The following DLGAP2 variants were observed in gnomAD, a reference collection of about 807,000 sequenced individuals.
DLGAP2 encodes the protein disks large-associated protein 2.
Under a neutral mutation model 100.3 loss-of-function variants are expected in DLGAP2, and 26 were observed. That is an observed-to-expected ratio of 0.26 (90% CI 0.19 to 0.36). The LOEUF (loss-of-function observed/expected upper bound fraction) is 0.36. Ranked by LOEUF, DLGAP2 falls within the 10% of genes least tolerant of loss-of-function variation. The probability of loss-of-function intolerance (pLI) is 1.00; values close to 1 mark genes in which losing one functional copy is unlikely to be tolerated. For missense variants in DLGAP2, 1,858 were observed against 1,453.2 expected, an observed-to-expected ratio of 1.28 and a Z score of -4.53; for synonymous variants, 886 against 630.1, an observed-to-expected ratio of 1.41 and a Z score of -6.08.
At chr8:1,277,870 A>G (rs1215883978) in intron 3 of DLGAP2, among the ~76,000 whole-genome samples, 10 of 152,200 alleles carry the variant, frequency 6.6e-5, no homozygotes, top group Non-Finnish European at 1.5e-5. Flanking sequence ...AGTTAGGCAG[A>G]TGTGTCATGT....
chr8:1,054,251 TACACACACGCACACACACGG>T (rs1255231733), intron 2 of DLGAP2, among the ~76,000 whole-genome samples: 5 of 151,660 alleles, frequency 3.3e-5, no homozygotes, highest in East Asian at 3.9e-4. Flanking sequence ...TACACACACG[TACACACACGCACACACACGG>T]ACACACACGC....
At chr8:1,228,485 A>C (rs537869385) in intron 2 of DLGAP2, among the ~76,000 whole-genome samples, 1 of 152,292 alleles carries the variant, frequency 6.6e-6, no homozygotes, top group Non-Finnish European at 1.5e-5. Flanking sequence ...TGATACTAAA[A>C]CCATACAATG....
At chr8:931,921 C>T (rs1798967535) in intron 2 of DLGAP2, among the ~76,000 whole-genome samples, 1 of 152,134 alleles carries the variant, frequency 6.6e-6, no homozygotes. Flanking sequence ...AGAGGAGTAA[C>T]CGAGGGGATG....
chr8:1,342,411 A>G (rs962027876), intron 3 of DLGAP2, among the ~76,000 whole-genome samples: 3 of 152,170 alleles, frequency 2.0e-5, no homozygotes, highest in Non-Finnish European at 2.9e-5. Flanking sequence ...CATGTAATAC[A>G]TTGTAGTGTA....
At chr8:1,155,096 C>G (rs1006803261) in intron 2 of DLGAP2, among the ~76,000 whole-genome samples, 1 of 152,310 alleles carries the variant, frequency 6.6e-6, no homozygotes, top group African/African-American at 2.4e-5. Context: ...TCGGAGGGGC[C>G]GTCTTAAACC....
At chr8:858,098 C>T (rs928158323) in intron 1 of DLGAP2, among the ~76,000 whole-genome samples, 1 of 152,182 alleles carries the variant, frequency 6.6e-6, no homozygotes, top group Admixed American at 6.5e-5. Context: ...CTCAGATGAT[C>T]CACCCGCCTT....
chr8:1,128,961 G>A (rs1796229986), intron 2 of DLGAP2, among the ~76,000 whole-genome samples: 1 of 152,164 alleles, frequency 6.6e-6, no homozygotes, highest in South Asian at 2.1e-4. Context: ...CAGGACACTG[G>A]CAAGCTGACG....
chr8:1,344,701 C>A (rs1048593278), intron 3 of DLGAP2, among the ~76,000 whole-genome samples: 1 of 152,174 alleles, frequency 6.6e-6, no homozygotes, highest in Non-Finnish European at 1.5e-5. Flanking sequence ...TCCGTAACCC[C>A]ACACTGGTCT....
chr8:1,375,210 C>G (rs1337202423), intron 3 of DLGAP2, among the ~76,000 whole-genome samples: 1 of 85,012 alleles, frequency 1.2e-5, no homozygotes, highest in Non-Finnish European at 2.0e-5. Context: ...GAACTGATCC[C>G]CCACCTCCTA....
At chr8:1,306,091 A>AAAAAAAG (rs1563073469) in intron 3 of DLGAP2, among the ~76,000 whole-genome samples, 1 of 131,438 alleles carries the variant, frequency 7.6e-6, no homozygotes, top group Non-Finnish European at 1.6e-5. Context: ...AAAAAAAAAA[A>AAAAAAAG]AGAGAGAGGG....
At chr8:925,895 T>G (rs1013050365) in intron 2 of DLGAP2, among the ~76,000 whole-genome samples, 80 of 152,134 alleles carry the variant, frequency 5.3e-4, no homozygotes, top group African/African-American at 1.9e-3. Flanking sequence ...TGTATTTTAA[T>G]TAATTAATTC....
chr8:1,089,763 T>C (rs1033825539), intron 2 of DLGAP2, among the ~76,000 whole-genome samples: 1 of 152,256 alleles, frequency 6.6e-6, no homozygotes, highest in South Asian at 2.1e-4. Context: ...CTGGAGGACA[T>C]TAAAGGACAT....
intron 2 of DLGAP2, among the ~76,000 whole-genome samples, chr8:988,952 CTCTTT>C (rs1339157160): frequency 6.6e-5 from 10 of 152,186 alleles, no homozygotes; most frequent in African/African-American, 2.2e-4. Context: ...GGATTTTTAC[CTCTTT>C]TCTTCTCAGG....
In DLGAP2 at chr8:1,633,947, A is replaced by G. The variant is rs185386577; in HGVS notation, c.1810+901A>G. Among the ~76,000 whole-genome samples, 591 of 152,380 alleles carry G rather than the reference A, an allele frequency of 3.9e-3. 3 individuals are homozygous for G. The highest frequency in any genetic ancestry group is 0.014 in the African/African-American group (571 of 41,596). On this transcript the variant is annotated intron_variant, in intron 8 of 14. Transcript: ENST00000637795. ...AGAGAAATTCAGGCAGGAGTGTGTC[A>G]TCATACCTGTGAATAGGTCTTGGTT...
intron 2 of DLGAP2, among the ~76,000 whole-genome samples, chr8:1,043,440 G>A (rs1182515381): frequency 6.6e-6 from 1 of 151,536 alleles, no homozygotes; most frequent in Middle Eastern, 3.4e-3. Context: ...TGTGGCTCAC[G>A]GGTGGTGGAT....
At chr8:1,558,863 A>G (rs1267582468) in intron 5 of DLGAP2, among the ~76,000 whole-genome samples, 1 of 65,434 alleles carries the variant, frequency 1.5e-5, no homozygotes, top group Non-Finnish European at 4.4e-5. Flanking sequence ...ACACACACAT[A>G]CACATATACG....
At chr8:1,174,701 C>A (rs66722874) in intron 2 of DLGAP2, among the ~76,000 whole-genome samples, 50,650 of 135,820 alleles carry the variant, frequency 0.37, 9,839 homozygotes, top group Non-Finnish European at 0.43. Flanking sequence ...ACCATCACCA[C>A]CACTATCACC....
intron 4 of DLGAP2, among the ~76,000 whole-genome samples, chr8:1,538,789 A>C (rs1344224557): frequency 5.3e-5 from 8 of 151,496 alleles, no homozygotes; most frequent in Non-Finnish European, 8.8e-5. Context: ...CCAGAGAGTC[A>C]CGCCCCGGGT....
At chr8:1,665,740 C>A (rs536805887) in intron 8 of DLGAP2, among the ~76,000 whole-genome samples, 2 of 152,350 alleles carry the variant, frequency 1.3e-5, no homozygotes, top group African/African-American at 4.8e-5. Context: ...GCAGCGGACA[C>A]CGGGCCTGCC....
Sources: gnomAD v4.1 joint callset for allele counts (sites outside exome capture counted in the v4.1 genomes callset) on GRCh38, gnomAD v4.1.1 for gene constraint, MANE v1.5 for transcripts, NCBI Gene and HGNC (gene_info 2026-07-23, HGNC 2026-07-21) for gene names.